KIF5C: variants seen among roughly 807,000 people sequenced by gnomAD.
KIF5C encodes kinesin family member 5C.
KIF5C carries 18 observed loss-of-function variants against 125.2 expected under a neutral mutation model. That is an observed-to-expected ratio of 0.14 (90% CI 0.10 to 0.21). KIF5C has a LOEUF of 0.21. Among genes scored for constraint, KIF5C ranks in the 10% least tolerant of loss-of-function variants. The pLI, the probability that KIF5C is intolerant of heterozygous loss-of-function variation, is 1.00. For missense variants in KIF5C, 780 were observed against 1,183.8 expected (o/e 0.66, Z 5.01); for synonymous variants, 405 against 434.0 (o/e 0.93, Z 0.83).
At chr2:149,015,937 G>A (rs541180025) in intron 25 of KIF5C, among the ~76,000 whole-genome samples, 1 of 152,334 alleles carries the variant, frequency 6.6e-6, no homozygotes, top group Admixed American at 6.5e-5. Flanking sequence ...TCAAGTAGTG[G>A]TAAGTGCTCA....
intron 25 of KIF5C, among the ~76,000 whole-genome samples, chr2:149,015,097 A>T (rs953308263): frequency 6.6e-6 from 1 of 152,172 alleles, no homozygotes; most frequent in Non-Finnish European, 1.5e-5. Flanking sequence ...GTTGAAGTGG[A>T]GAATTGCTTG....
At chr2:148,912,680 C>T (rs989177961) in intron 1 of KIF5C, among the ~76,000 whole-genome samples, 5 of 152,202 alleles carry the variant, frequency 3.3e-5, no homozygotes, top group African/African-American at 1.2e-4. Context: ...AACTCCTGGC[C>T]TCAAGTGATC....
Position 149,026,690 on chromosome 2 carries a change from C to T in KIF5C, c.*3620C>T, listed in dbSNP as rs1242736999. The T allele has an allele frequency of 3.9e-5, 6 of 152,610 alleles. No individual in the cohort carries two copies. The highest frequency in any genetic ancestry group is 8.8e-5 in the Non-Finnish European group (6 of 68,048). The allele number at this position is 152,610 out of a possible 1,614,324, so 9.5% of individuals were successfully genotyped here. Reference sequence around the variant, plus strand: ...GTTCTAAAATGAAGATGTATGGGTACTCTGGCAGACTGCATGTTGTATAAT... The same window carrying T: ...GTTCTAAAATGAAGATGTATGGGTATTCTGGCAGACTGCATGTTGTATAAT... On this transcript the variant is annotated 3_prime_UTR_variant, in exon 26 of 26. Transcript: ENST00000435030.
intron 8 of KIF5C, chr2:148,947,388 T>C (rs764922663): frequency 9.2e-5 from 19 of 206,786 alleles, no homozygotes; most frequent in Admixed American, 7.1e-4. Flanking sequence ...CCGACTCTAA[T>C]AGGCCAGGAA....
At chr2:148,971,286 G>GTCTATCTATCTA (rs752649709) in intron 11 of KIF5C, among the ~76,000 whole-genome samples, 20 of 134,598 alleles carry the variant, frequency 1.5e-4, no homozygotes, top group African/African-American at 3.7e-4. Flanking sequence ...CTGTCTGTCT[G>GTCTATCTATCTA]TCTGTCTATC....
chr2:148,912,018 T>C (rs1326965827), intron 1 of KIF5C, among the ~76,000 whole-genome samples: 2 of 152,196 alleles, frequency 1.3e-5, no homozygotes, highest in Non-Finnish European at 2.9e-5. Flanking sequence ...TGCTTAGAAA[T>C]GAACAATTGG....
chr2:148,914,524 A>G (rs866436057), intron 1 of KIF5C, among the ~76,000 whole-genome samples: 16 of 152,336 alleles, frequency 1.1e-4, no homozygotes, highest in South Asian at 4.1e-4. Flanking sequence ...GCAGAAAGGA[A>G]AGAATTCTAG....
intron 1 of KIF5C, among the ~76,000 whole-genome samples, chr2:148,896,192 T>C (rs554032712): frequency 6.6e-6 from 1 of 152,054 alleles, no homozygotes; most frequent in South Asian, 2.1e-4. Context: ...TCATGAAGGG[T>C]TTCCTGGCTT....
intron 16 of KIF5C, among the ~76,000 whole-genome samples, chr2:148,991,544 A>G (rs1372949575): frequency 6.6e-6 from 1 of 152,158 alleles, no homozygotes; most frequent in African/African-American, 2.4e-5. Flanking sequence ...CCATAGGTCC[A>G]CTTTAATATG....
At chr2:148,988,909 C>T (rs1281534429) in intron 15 of KIF5C, among the ~76,000 whole-genome samples, 1 of 152,226 alleles carries the variant, frequency 6.6e-6, no homozygotes, top group Non-Finnish European at 1.5e-5. Flanking sequence ...ATACATTCTG[C>T]AGTATTGTTG....
intron 3 of KIF5C, among the ~76,000 whole-genome samples, chr2:148,937,008 G>T (rs1204856530): frequency 6.6e-6 from 1 of 152,080 alleles, no homozygotes; most frequent in Non-Finnish European, 1.5e-5. Flanking sequence ...CTCTGATTTT[G>T]TTTCCTTGAG....
chr2:149,002,392 C>A (rs6721330), intron 21 of KIF5C, among the ~76,000 whole-genome samples: 69,036 of 151,938 alleles, frequency 0.45, 17,725 homozygotes, highest in South Asian at 0.58. Flanking sequence ...AGTCCCTTGC[C>A]CACACACGCA....
chr2:148,936,152 C>T (rs113524275), intron 3 of KIF5C, among the ~76,000 whole-genome samples: 22,990 of 152,126 alleles, frequency 0.15, 2,867 homozygotes, highest in African/African-American at 0.33. Context: ...TAGCCAGCTG[C>T]GGTGGTGCAC....
At chr2:148,933,788 AC>A (rs1286237754) in intron 3 of KIF5C, among the ~76,000 whole-genome samples, 17 of 142,780 alleles carry the variant, frequency 1.2e-4, no homozygotes, top group South Asian at 6.8e-4. Context: ...TATACCACAT[AC>A]CCCCCATATA....
At chr2:149,001,952 G>C (rs1185547368) in intron 21 of KIF5C, among the ~76,000 whole-genome samples, 2 of 152,150 alleles carry the variant, frequency 1.3e-5, no homozygotes, top group Non-Finnish European at 2.9e-5. Flanking sequence ...CATATTTGTT[G>C]GACCTCAAAG....
Position 148,973,320 on chromosome 2 carries a change from C to A in KIF5C, c.1118-16C>A. On this transcript the variant is annotated splice_polypyrimidine_tract_variant and intron_variant, in intron 11 of 25. Transcript: ENST00000435030. ...AATTTCTTTAATCCCCAACTCTGCT[C>A]GGCTATGTTTTGCAGGAGAAGCTGT... The A allele has an allele frequency of 6.2e-7, 1 of 1,604,082 alleles. No individual in the cohort carries two copies. Among genetic ancestry groups the A allele is most frequent in the Non-Finnish European group, 8.5e-7 (1 of 1,176,434 alleles).
intron 16 of KIF5C, among the ~76,000 whole-genome samples, chr2:148,994,011 A>G (rs1401518749): frequency 1.3e-5 from 2 of 152,164 alleles, no homozygotes; most frequent in African/African-American, 4.8e-5. Flanking sequence ...AGGACAGAAA[A>G]AGGGAAGACC....
intron 18 of KIF5C, 173 bp downstream of exon 18, chr2:148,997,513 G>T: frequency 8.1e-7 from 1 of 1,238,262 alleles, no homozygotes; most frequent in South Asian, 1.6e-5. Context: ...GCTTAGAAAT[G>T]AACAAGTCCA....
intron 1 of KIF5C, among the ~76,000 whole-genome samples, chr2:148,899,402 G>A (rs942923085): frequency 6.6e-6 from 1 of 152,006 alleles, no homozygotes; most frequent in Non-Finnish European, 1.5e-5. Flanking sequence ...CTTATGCTTG[G>A]CATAAGAAAA....
Sources: allele counts gnomAD v4.1 joint callset (sites outside exome capture counted in the v4.1 genomes callset), GRCh38; gene constraint gnomAD v4.1.1; transcripts MANE v1.5; gene names NCBI Gene and HGNC (gene_info 2026-07-23, HGNC 2026-07-21).